The following TMEM132B variants were observed in gnomAD, a reference collection of about 807,000 sequenced individuals.
TMEM132B encodes the protein transmembrane protein 132B.
TMEM132B carries 18 observed loss-of-function variants against 90.8 expected under a neutral mutation model. That is an observed-to-expected ratio of 0.20 (90% CI 0.14 to 0.29). The LOEUF (loss-of-function observed/expected upper bound fraction) is 0.29. Among genes scored for constraint, TMEM132B ranks in the 10% least tolerant of loss-of-function variants. The pLI, the probability that TMEM132B is intolerant of heterozygous loss-of-function variation, is 1.00. For synonymous variants in TMEM132B, 504 were observed against 523.3 expected, an observed-to-expected ratio of 0.96 and a Z score of 0.50; for missense variants, 1,096 against 1,326.8, an observed-to-expected ratio of 0.83 and a Z score of 2.70.
intron 1 of TMEM132B, among the ~76,000 whole-genome samples, chr12:125,257,127 CAT>C (rs1874454765): frequency 6.6e-6 from 1 of 152,074 alleles, no homozygotes; most frequent in African/African-American, 2.4e-5. Context: ...CACTGGGAAA[CAT>C]AGCAAGACTC....
chr12:125,435,563 C>G (rs1880675912), intron 3 of TMEM132B, among the ~76,000 whole-genome samples: 1 of 152,206 alleles, frequency 6.6e-6, no homozygotes. Context: ...GAGCCAGGCA[C>G]TAGTATAGGT....
At chr12:125,215,336 A>G (rs1477911881) in intron 1 of TMEM132B, among the ~76,000 whole-genome samples, 1 of 152,128 alleles carries the variant, frequency 6.6e-6, no homozygotes, top group Non-Finnish European at 1.5e-5. Flanking sequence ...AGCTAAAATC[A>G]GGGTGTCAGC....
chr12:125,648,516 G>A (rs374852375), intron 6 of TMEM132B, among the ~76,000 whole-genome samples: 21 of 144,954 alleles, frequency 1.4e-4, no homozygotes, highest in African/African-American at 5.4e-4. Flanking sequence ...CATAAAGAGT[G>A]TATAAGATCT....
At chr12:125,421,860 T>C (rs972156066) in intron 3 of TMEM132B, among the ~76,000 whole-genome samples, 1 of 152,252 alleles carries the variant, frequency 6.6e-6, no homozygotes, top group Non-Finnish European at 1.5e-5. Context: ...AAATTTTTCA[T>C]TGTGCTGAAG....
chr12:125,548,878 G>A (rs1159296785), intron 4 of TMEM132B, among the ~76,000 whole-genome samples: 1 of 152,200 alleles, frequency 6.6e-6, no homozygotes. Context: ...AGGAGGTGCA[G>A]AGTTATTAAA....
chr12:125,555,422 G>GA (rs372188664), intron 4 of TMEM132B, among the ~76,000 whole-genome samples: 1,579 of 145,464 alleles, frequency 0.011, 34 homozygotes, highest in African/African-American at 0.035. Flanking sequence ...AATCAGTCTG[G>GA]AAAAAAAAAA....
At chr12:125,397,947 T>C (rs887151185) in intron 2 of TMEM132B, among the ~76,000 whole-genome samples, 1 of 152,222 alleles carries the variant, frequency 6.6e-6, no homozygotes, top group African/African-American at 2.4e-5. Flanking sequence ...TTGCTTCCTG[T>C]TCTGTTTACA....
At chr12:125,212,512 G>A (rs554528950) in intron 1 of TMEM132B, among the ~76,000 whole-genome samples, 1 of 152,092 alleles carries the variant, frequency 6.6e-6, no homozygotes, top group South Asian at 2.1e-4. Context: ...GGCCAGCGTG[G>A]TGAAACCCTG....
intron 1 of TMEM132B, among the ~76,000 whole-genome samples, chr12:125,231,518 A>G (rs1232613203): frequency 6.6e-6 from 1 of 152,184 alleles, no homozygotes; most frequent in Admixed American, 6.5e-5. Flanking sequence ...TGTTTGTCTT[A>G]ATAGAAGCGA....
intron 3 of TMEM132B, among the ~76,000 whole-genome samples, chr12:125,451,811 T>A (rs1336101525): frequency 1.3e-5 from 2 of 152,256 alleles, no homozygotes; most frequent in African/African-American, 2.4e-5. Flanking sequence ...AATAGTTAGT[T>A]TACTTTTGCA....
intron 3 of TMEM132B, among the ~76,000 whole-genome samples, chr12:125,426,438 A>C (rs148935279): frequency 0.011 from 1,694 of 152,274 alleles, 30 homozygotes; most frequent in African/African-American, 0.037. Flanking sequence ...TTGGATGACT[A>C]AAAAGTTCTA....
At chr12:125,431,642 G>T (rs1405510516) in intron 3 of TMEM132B, among the ~76,000 whole-genome samples, 1 of 152,166 alleles carries the variant, frequency 6.6e-6, no homozygotes, top group Non-Finnish European at 1.5e-5. Context: ...CCACGATTGG[G>T]AAGAGGCTGT....
At chr12:125,417,728 G>T (rs1317235702) in intron 3 of TMEM132B, among the ~76,000 whole-genome samples, 1 of 152,168 alleles carries the variant, frequency 6.6e-6, no homozygotes, top group East Asian at 1.9e-4. Flanking sequence ...CCCTCCTGGA[G>T]GCAAGATGAC....
At position 125,517,333 on chromosome 12, in the gene TMEM132B, T is replaced by G. The variant is rs1258284200; in HGVS notation, c.1107-2106T>G. Reference sequence around the variant, plus strand: ...CCGCCACCATGCCCTGCTGATTTTTTTTTTTTTTTTTTTTTTTTTTTTTTT... The same window carrying G: ...CCGCCACCATGCCCTGCTGATTTTTGTTTTTTTTTTTTTTTTTTTTTTTTT... On this transcript the variant is annotated intron_variant, in intron 3 of 8. Transcript: ENST00000682704. 3.0e-4 allele frequency among the ~76,000 whole-genome samples: 7 copies of G among 23,340 alleles called. 1 individual carries two copies. Among genetic ancestry groups the G allele is most frequent in the African/African-American group, 1.9e-3 (3 of 1,608 alleles). The allele number at this position is 23,340 out of a possible 152,430, so 15.3% of individuals were successfully genotyped here.
intron 3 of TMEM132B, among the ~76,000 whole-genome samples, chr12:125,494,082 T>C (rs1475650416): frequency 5.7e-3 from 101 of 17,618 alleles, no homozygotes; most frequent in Admixed American, 7.4e-3. Flanking sequence ...GTCCCTCCTC[T>C]CCTTCCTCCC....
chr12:125,628,233 C>G (rs1022148852), intron 5 of TMEM132B, among the ~76,000 whole-genome samples: 3 of 152,114 alleles, frequency 2.0e-5, no homozygotes, highest in African/African-American at 7.2e-5. Flanking sequence ...CAAATTTTCT[C>G]CACAGCAGTT....
At chr12:125,214,996 C>T (rs1873401632) in intron 1 of TMEM132B, among the ~76,000 whole-genome samples, 1 of 152,206 alleles carries the variant, frequency 6.6e-6, no homozygotes, top group Non-Finnish European at 1.5e-5. Context: ...CCAGCTGCAG[C>T]CCTCACTGGC....
At chr12:125,193,379 C>A (rs569087404) in intron 1 of TMEM132B, among the ~76,000 whole-genome samples, 1 of 152,270 alleles carries the variant, frequency 6.6e-6, no homozygotes, top group Non-Finnish European at 1.5e-5. Context: ...CCTCAATTTC[C>A]CTGCCCTCAG....
chr12:125,433,653 G>A (rs1229354095), intron 3 of TMEM132B, among the ~76,000 whole-genome samples: 4 of 141,092 alleles, frequency 2.8e-5, no homozygotes, highest in South Asian at 2.5e-4. Flanking sequence ...TATATCTCCC[G>A]ATGCTATCCC....
Sources: gnomAD v4.1 joint callset for allele counts (sites outside exome capture counted in the v4.1 genomes callset) on GRCh38, gnomAD v4.1.1 for gene constraint, MANE v1.5 for transcripts, NCBI Gene and HGNC (gene_info 2026-07-23, HGNC 2026-07-21) for gene names.